Variants in ZNF283 observed in about 807,000 individuals in gnomAD.
The protein encoded by ZNF283 is zinc finger protein 283.
ZNF283 carries 10 observed loss-of-function variants against 9.2 expected under a neutral mutation model. The ratio of observed to expected loss-of-function variants is 1.09; its 90% CI spans 0.67 to 1.85. The LOEUF is 1.85. Among genes scored for constraint, ZNF283 ranks in the 40% most tolerant of loss-of-function variants. The pLI is 0.00. For synonymous variants in ZNF283, 234 were observed against 244.1 expected (o/e 0.96, Z 0.38); for missense variants, 631 against 760.1 (o/e 0.83, Z 2.00).
At position 43,848,569 on chromosome 19, in the gene ZNF283, T is replaced by C; in HGVS notation, c.1968T>C (p.Tyr656=). 4 of 1,597,278 alleles carry C rather than the reference T, an allele frequency of 2.5e-6. No individual in the cohort carries two copies. Among genetic ancestry groups the C allele is most frequent in the South Asian group, 2.2e-5 (2 of 89,208 alleles). The change falls in exon 7 of 7, where the codon TAT becomes TAC. Residue 656 remains tyrosine (Y), a synonymous_variant. Coordinates refer to ENST00000618787, the MANE Select transcript of ZNF283 (RefSeq NM_181845.2). Reference sequence around the variant, plus strand: ...ATAGTAATGATAAACCCTACAAATATAACGAATGTGGGGAAGCCTTTCTGT... The same window carrying C: ...ATAGTAATGATAAACCCTACAAATACAACGAATGTGGGGAAGCCTTTCTGT... ...RTHSNDKPYK[Y]NECGEAFLWT...
At chr19:43,846,635 A>G (rs1034321372) in intron 6 of ZNF283, among the ~76,000 whole-genome samples, 1 of 152,174 alleles carries the variant, frequency 6.6e-6, no homozygotes, top group Admixed American at 6.5e-5. Flanking sequence ...GATGACCACA[A>G]CTGGGCACAT....
chr19:43,843,759 T>C (rs953433315), intron 6 of ZNF283, among the ~76,000 whole-genome samples: 1 of 152,206 alleles, frequency 6.6e-6, no homozygotes. Context: ...CAAAGTGCAA[T>C]GTAACATAGT....
Position 43,833,604 on chromosome 19 carries a change from C to G in ZNF283, c.100C>G (p.Leu34Val), listed in dbSNP as rs1970823101. The G allele has an allele frequency of 6.2e-6, 1 of 161,944 alleles. No individual in the cohort carries two copies. The highest frequency in any genetic ancestry group is 2.4e-5 in the African/African-American group (1 of 41,010). 10.0% of individuals were successfully genotyped at this position (161,944 alleles called of 1,614,324 possible). Residue 34 changes from leucine to valine, a missense_variant, in exon 4 of 7, where the codon CTC (leucine) becomes GTC (valine). Leu to Val is a conservative substitution (Grantham distance 32, BLOSUM62 1). Around this residue, in one of 3 missense-constraint regions of ZNF283, gnomAD observed 184 missense variants for 220.0 expected, o/e 0.84. Transcript: ENST00000618787. ...GTTCACGCTATTCTCCTGCCTCAGC[C>G]TCCTGAGTAGCTGGGACTACAGGTG... ...PGFTLFSCLS[L>V]LSSWDYSSGF...
At chr19:43,836,005 C>G (rs529182493) in intron 5 of ZNF283, among the ~76,000 whole-genome samples, 39 of 152,262 alleles carry the variant, frequency 2.6e-4, no homozygotes, top group African/African-American at 9.1e-4. Flanking sequence ...CTCTCTAACT[C>G]AGGGACAAGT....
In ZNF283 at chr19:43,849,030, G is replaced by A. The variant is rs1971536869; in HGVS notation, c.*389G>A. 5.9e-6 allele frequency: 1 copy of A among 169,904 alleles called. No individual in the cohort carries two copies. Among genetic ancestry groups the A allele is most frequent in the Admixed American group, 5.5e-5 (1 of 18,132 alleles). 10.5% of individuals were successfully genotyped at this position (169,904 alleles called of 1,614,324 possible). On this transcript the variant is annotated 3_prime_UTR_variant, in exon 7 of 7. Coordinates refer to ENST00000618787, the MANE Select transcript of ZNF283 (RefSeq NM_181845.2). Reference sequence around the variant, plus strand: ...TTAATTCAGTTCTTGCTGCACATCAGAGAATTCATACTGCTGTGTAATCCT... The same window carrying A: ...TTAATTCAGTTCTTGCTGCACATCAAAGAATTCATACTGCTGTGTAATCCT...
chr19:43,837,092 CAGG>C lies in ZNF283; in HGVS notation c.256_258del (p.Glu86del), dbSNP rs1971012352. On this transcript the variant is annotated inframe_deletion, in exon 6 of 7. Transcript: ENST00000618787. The stretch of plus-strand genomic sequence containing the variant: ...CAGGGATGTGGCCATCGACTTCTCT[CAGG>C]AGGAGTGGGAATGCCTGGACCCTGC... The C allele has an allele frequency of 6.2e-7, 1 of 1,613,984 alleles. No homozygotes were observed. Among genetic ancestry groups the C allele is most frequent in the Admixed American group, 1.7e-5 (1 of 60,006 alleles).
chr19:43,840,602 C>T (rs1185395688), intron 6 of ZNF283: 1 of 152,168 alleles, frequency 6.6e-6, no homozygotes, highest in Non-Finnish European at 1.5e-5. Context: ...ATAGTAGCCT[C>T]TTTATTCATC....
At chr19:43,845,336 A>G (rs1350572868) in intron 6 of ZNF283, among the ~76,000 whole-genome samples, 1 of 152,144 alleles carries the variant, frequency 6.6e-6, no homozygotes, top group Non-Finnish European at 1.5e-5. Context: ...GTGGCCTTTT[A>G]GGAAACCTGA....
chr19:43,831,143 A>G (rs929148593), intron 2 of ZNF283, among the ~76,000 whole-genome samples, 175 bp from the exon 3 acceptor site: 4 of 152,206 alleles, frequency 2.6e-5, no homozygotes, highest in African/African-American at 9.6e-5. Flanking sequence ...TTTGGAAGAC[A>G]TATTTCAAGA....
At position 43,848,799 on chromosome 19, in the gene ZNF283, G is replaced by A; in HGVS notation, c.*158G>A. Reference sequence around the variant, plus strand: ...TTGCTATCCAGCAATTCATACTAGTGAGAAATATTTTGAATATAATTAATA... The same window carrying A: ...TTGCTATCCAGCAATTCATACTAGTAAGAAATATTTTGAATATAATTAATA... On this transcript the variant is annotated 3_prime_UTR_variant, in exon 7 of 7. Transcript: ENST00000618787. The A allele has an allele frequency of 1.6e-6, 1 of 632,916 alleles. No individual in the cohort carries two copies. 39.2% of individuals were successfully genotyped at this position (632,916 alleles called of 1,614,324 possible).
chr19:43,846,207 T>C (rs898237427), intron 6 of ZNF283, among the ~76,000 whole-genome samples: 17 of 152,190 alleles, frequency 1.1e-4, no homozygotes, highest in Non-Finnish European at 1.9e-4. Flanking sequence ...TTAAAATTGA[T>C]AGACATTTAA....
Position 43,851,708 on chromosome 19 carries a change from C to G in ZNF283, c.*3067C>G, listed in dbSNP as rs1445130449. On this transcript the variant is annotated 3_prime_UTR_variant, in exon 7 of 7. Coordinates refer to ENST00000618787, the MANE Select transcript of ZNF283 (RefSeq NM_181845.2). The stretch of plus-strand genomic sequence containing the variant: ...CTCCAGCCTGGGCGACAGAGCGAGA[C>G]TCCGTCTCAAAAAAATAAAAATAAA... The G allele has an allele frequency of 6.6e-6, 1 of 152,230 alleles. No homozygotes were observed. Among genetic ancestry groups the G allele is most frequent in the Non-Finnish European group, 1.5e-5 (1 of 68,072 alleles). 9.4% of individuals were successfully genotyped at this position (152,230 alleles called of 1,614,324 possible). A position where few individuals can be genotyped will look rare whatever the true frequency, so the allele number is the denominator to read the frequency against.
rs899101509 is a variant in ZNF283 at position 43,851,742 on chromosome 19, A to T, written c.*3101A>T. On this transcript the variant is annotated 3_prime_UTR_variant, in exon 7 of 7. Transcript: ENST00000618787. ...AAAAAAATAAAAATAAAAAAAGACT[A>T]AGGAGTATTCTAGTGAAGAAAATGG... 3 of 152,214 alleles carry T rather than the reference A, an allele frequency of 2.0e-5. No homozygotes were observed. Among genetic ancestry groups the T allele is most frequent in the Non-Finnish European group, 4.4e-5 (3 of 68,050 alleles). 9.4% of individuals were successfully genotyped at this position (152,214 alleles called of 1,614,324 possible).
intron 6 of ZNF283, among the ~76,000 whole-genome samples, chr19:43,846,623 T>C (rs1971409147): frequency 6.6e-6 from 1 of 152,168 alleles, no homozygotes; most frequent in South Asian, 2.1e-4. Context: ...TAAGATACAT[T>C]GGATGACCAC....
intron 4 of ZNF283, among the ~76,000 whole-genome samples, chr19:43,834,240 A>C (rs1268964782): frequency 6.6e-6 from 1 of 152,200 alleles, no homozygotes; most frequent in African/African-American, 2.4e-5. Context: ...GAAAAGTAGA[A>C]TCAAAACCTC....
chr19:43,845,547 G>T (rs1378613371), intron 6 of ZNF283, among the ~76,000 whole-genome samples: 1 of 151,994 alleles, frequency 6.6e-6, no homozygotes, highest in Non-Finnish European at 1.5e-5. Flanking sequence ...AAAAAATTCT[G>T]TTCTATTTAA....
chr19:43,843,116 A>G (rs975916989), intron 6 of ZNF283, among the ~76,000 whole-genome samples: 5 of 152,166 alleles, frequency 3.3e-5, no homozygotes, highest in African/African-American at 1.2e-4. Flanking sequence ...GCCAAGGCGG[A>G]CAGATCACAA....
chr19:43,835,002 C>T (rs16976815), intron 4 of ZNF283, among the ~76,000 whole-genome samples: 12,398 of 152,202 alleles, frequency 0.081, 548 homozygotes, highest in Middle Eastern at 0.11. Flanking sequence ...AATCATAAGT[C>T]TCATAACCTC....
At position 43,847,097 on chromosome 19, in the gene ZNF283, G is replaced by A. The variant is rs1599731913; in HGVS notation, c.496G>A (p.Gly166Arg). ...TTGGAAGTGCAAAAGCATATTCGAGGGACTAAAAGGACATCAAGAGGGATA... is the reference window on the plus strand; with the variant it reads ...TTGGAAGTGCAAAAGCATATTCGAGAGACTAAAAGGACATCAAGAGGGATA... ...NNWKCKSIFE[G>R]LKGHQEGYFS... Residue 166 changes from glycine (G) to arginine (R), a missense_variant, in exon 7 of 7, where the codon GGA (glycine) becomes AGA (arginine). Around this residue, in one of 3 missense-constraint regions of ZNF283, gnomAD observed 184 missense variants for 220.0 expected, o/e 0.84. Transcript: ENST00000618787. The A allele has an allele frequency of 3.7e-6, 6 of 1,613,036 alleles. No individual in the cohort carries two copies. The African/African-American group carries it at 4.0e-5, about 11-fold the overall frequency.
Sources: allele counts gnomAD v4.1 joint callset (sites outside exome capture counted in the v4.1 genomes callset), GRCh38; gene constraint gnomAD v4.1.1; regional missense constraint gnomAD v4.1.1; transcripts MANE v1.5; gene names NCBI Gene and HGNC (gene_info 2026-07-23, HGNC 2026-07-21).